GPT: variants seen among roughly 807,000 people sequenced by gnomAD.
GPT encodes alanine aminotransferase 1.
GPT carries 60 observed loss-of-function variants against 51.4 expected under a neutral mutation model. That is an observed-to-expected ratio of 1.17 (90% CI 0.95 to 1.45). GPT has a LOEUF of 1.45. Among genes scored for constraint, GPT ranks in the 40% most tolerant of loss-of-function variants. GPT has a pLI of 0.00. For synonymous variants in GPT, 397 were observed against 303.1 expected (o/e 1.31, Z -3.22); for missense variants, 853 against 704.0 (o/e 1.21, Z -2.40).
At position 144,506,378 on chromosome 8, in the gene GPT, C is replaced by G; in HGVS notation, c.1103C>G (p.Thr368Ser). 6.4e-7 allele frequency: 1 copy of G among 1,560,142 alleles called. No individual in the cohort carries two copies. The highest frequency in any genetic ancestry group is 1.3e-5 in the African/African-American group (1 of 74,074). Residue 368 changes from threonine (T) to serine (S), a missense_variant, in exon 8 of 11, where the codon ACC becomes AGC. Transcript: ENST00000394955. The surrounding 1 kb of genome is among the most constrained non-coding windows in gnomAD (Gnocchi z 7.0). ...CTGGTGGTCAGCCCGCCCGCGCCCA[C>G]CGACCCCTCCTTTGCGCAGTTCCAG... ...LDLVVSPPAP[T>S]DPSFAQFQAE...
Position 144,505,405 on chromosome 8 carries a change from G to C in GPT, c.655G>C (p.Ala219Pro), listed in dbSNP as rs1586773587. The change falls in exon 5 of 11, where the codon GCC becomes CCC. Residue 219 changes from alanine to proline, a missense_variant. Physicochemically the swap from Ala to Pro is conservative, Grantham distance 27. Transcript: ENST00000394955. ...DEERAWALDV[A>P]ELHRALGQAR... Reference sequence around the variant, plus strand: ...GGAGCGTGCCTGGGCGCTGGACGTGGCCGAGCTTCACCGTGCACTGGGCCA... The same window carrying C: ...GGAGCGTGCCTGGGCGCTGGACGTGCCCGAGCTTCACCGTGCACTGGGCCA... 2 of 1,596,390 alleles carry C rather than the reference G, an allele frequency of 1.3e-6. No homozygotes were observed. The highest frequency in any genetic ancestry group is 2.7e-5 in the African/African-American group (2 of 74,676).
upstream of GPT, chr8:144,503,910 C>T (rs371493659): frequency 1.3e-5 from 4 of 301,624 alleles, no homozygotes; most frequent in Admixed American, 1.4e-4. Context: ...CCCTCTCCCC[C>T]TCCCCCCATG....
rs374307577 is a variant in GPT at position 144,505,247 on chromosome 8, C to G, written c.497C>G (p.Thr166Arg). 6.2e-7 allele frequency: 1 copy of G among 1,606,690 alleles called. No individual in the cohort carries two copies. The highest frequency in any genetic ancestry group is 8.5e-7 in the Non-Finnish European group (1 of 1,177,212). ...LSTGASDAIVTVLKLLVAGEG... is the reference protein window; with the variant it reads ...LSTGASDAIVRVLKLLVAGEG... The stretch of plus-strand genomic sequence containing the variant: ...CTGCCTTCCCCTTCCTTTCCGCAGA[C>G]GGTGCTGAAGCTGCTGGTGGCCGGC... Residue 166 changes from threonine to arginine, a missense_variant and splice_region_variant, in exon 5 of 11, where the codon ACG (threonine) becomes AGG (arginine). Transcript: ENST00000394955.
Position 144,505,927 on chromosome 8 carries a change from G to C in GPT, c.819G>C (p.Glu273Asp). 1 of 1,609,380 alleles carries C rather than the reference G, an allele frequency of 6.2e-7. No individual in the cohort carries two copies. The highest frequency in any genetic ancestry group is 1.1e-5 in the South Asian group (1 of 90,818). Residue 273 changes from glutamate (E) to aspartate (D), a missense_variant and splice_region_variant, in exon 6 of 11, where the codon GAG becomes GAC. By Grantham distance (45) the Glu-to-Asp change is conservative. Coordinates refer to ENST00000394955, the MANE Select transcript of GPT (RefSeq NM_005309.3). ...AGCGGCTCTTTCTGCTGGCGGACGA[G>C]GTGCGCGGCGCGGGGGAGCGGGAAG... ...FEERLFLLAD[E>D]VYQDNVYAAG...
rs148163358 is a variant in GPT, at chr8:144,505,008, C to T, written c.372C>T (p.Ser124=). The change falls in exon 4 of 11, where the codon AGC becomes AGT. Residue 124 remains serine, a synonymous_variant. Transcript: ENST00000394955. The part of the protein sequence containing the change: ...ACGGHSLGAY[S]VSSGIQLIRE... ...CCTGCCCGAGTCCAGGGGCCTACAGCGTCAGCTCCGGCATCCAGCTGATCC... is the reference window on the plus strand; with the variant it reads ...CCTGCCCGAGTCCAGGGGCCTACAGTGTCAGCTCCGGCATCCAGCTGATCC... The T allele has an allele frequency of 7.1e-4, 1,138 of 1,612,948 alleles. 2 individuals carry two copies. Among genetic ancestry groups the T allele is most frequent in the Non-Finnish European group, 8.9e-4 (1,051 of 1,179,986 alleles).
Position 144,504,412 on chromosome 8 carries a change from A to G in GPT, c.108A>G (p.Ala36=), listed in dbSNP as rs748457700. ...MNPRVRRVEY[A]VRGPIVQRAL... ...CGCGTGTGCGGAGAGTGGAGTACGC[A>G]GTGCGTGGCCCCATAGTGCAGCGAG... The change falls in exon 1 of 11, where the codon GCA becomes GCG. Residue 36 remains alanine (A), a synonymous_variant. Coordinates refer to ENST00000394955, the MANE Select transcript of GPT (RefSeq NM_005309.3). 1.9e-6 allele frequency: 3 copies of G among 1,611,602 alleles called. No homozygotes were observed. Among genetic ancestry groups the G allele is most frequent in the Admixed American group, 3.3e-5 (2 of 60,002 alleles).
At chr8:144,503,105 A>T (rs531134486), upstream of GPT, 1 of 152,408 alleles carries the variant, frequency 6.6e-6, no homozygotes, top group South Asian at 2.1e-4. Flanking sequence ...CTGTTGTGGC[A>T]GCGGAACAGA....
Position 144,506,690 on chromosome 8 carries a change from G to T in GPT, c.1287+34G>T, listed in dbSNP as rs771785463. On this transcript the variant is annotated intron_variant, in intron 9 of 10. Transcript: ENST00000394955. The surrounding 1 kb of genome is among the most constrained non-coding windows in gnomAD (Gnocchi z 7.0). ...GGGGCGGGGCCTGCGGGGTGGGCAG[G>T]GGGGGCCGGGCATCCCTCTCTGACG... 7 of 1,592,836 alleles carry T rather than the reference G, an allele frequency of 4.4e-6. No homozygotes were observed. Among genetic ancestry groups the T allele is most frequent in the East Asian group, 2.3e-5 (1 of 44,210 alleles).
At position 144,505,383 on chromosome 8, in the gene GPT, G is replaced by A. The variant is rs371565005; in HGVS notation, c.633G>A (p.Glu211=). ...AVQVDYYLDE[E]RAWALDVAEL... ...AGGTGGATTACTACCTGGACGAGGA[G>A]CGTGCCTGGGCGCTGGACGTGGCCG... The change falls in exon 5 of 11, where the codon GAG becomes GAA. Residue 211 remains glutamate, a synonymous_variant. Coordinates refer to ENST00000394955, the MANE Select transcript of GPT (RefSeq NM_005309.3). The A allele has an allele frequency of 1.1e-5, 17 of 1,592,590 alleles. No homozygotes were observed. In the East Asian group the frequency reaches 3.2e-4, roughly 30 times the overall value.
At chr8:144,504,918 G>A (rs778857077) in intron 3 of GPT, 39 bp downstream of exon 3, 1 of 1,612,738 alleles carries the variant, frequency 6.2e-7, no homozygotes, top group Non-Finnish European at 8.5e-7. Context: ...GGGCCGCCCT[G>A]CCACTGGAGG....
chr8:144,506,414 G>A lies in GPT; in HGVS notation c.1131+8G>A, dbSNP rs1826810525. On this transcript the variant is annotated splice_region_variant and intron_variant, in intron 8 of 10. Transcript: ENST00000394955. This position sits in a 1 kb window ranked among gnomAD's most constrained non-coding sequence, Gnocchi z 7.0. Reference sequence around the variant, plus strand: ...TTTGCGCAGTTCCAGGCTGTGAGTTGGGGGCAGGAGGGGGTCCAGGTGACC... The same window carrying A: ...TTTGCGCAGTTCCAGGCTGTGAGTTAGGGGCAGGAGGGGGTCCAGGTGACC... The A allele has an allele frequency of 1.9e-6, 3 of 1,558,726 alleles. No homozygotes were observed. The highest frequency in any genetic ancestry group is 2.6e-6 in the Non-Finnish European group (3 of 1,153,864).
At position 144,505,088 on chromosome 8, in the gene GPT, C is replaced by T. The variant is rs754091629; in HGVS notation, c.452C>T (p.Pro151Leu). Residue 151 changes from proline to leucine, a missense_variant, in exon 4 of 11, where the codon CCC becomes CTC. By Grantham distance (98) the Pro-to-Leu change is moderately conservative. Coordinates refer to ENST00000394955, the MANE Select transcript of GPT (RefSeq NM_005309.3). Reference sequence around the variant, plus strand: ...CGTGACGGAGGCATCCCTGCGGACCCCAACAACGTCTTCCTGTCCACAGGG... The same window carrying T: ...CGTGACGGAGGCATCCCTGCGGACCTCAACAACGTCTTCCTGTCCACAGGG... ...ERRDGGIPAD[P>L]NNVFLSTGAS... 1 of 1,613,172 alleles carries T rather than the reference C, an allele frequency of 6.2e-7. No individual in the cohort carries two copies. Among genetic ancestry groups the T allele is most frequent in the East Asian group, 2.2e-5 (1 of 44,892 alleles).
upstream of GPT, among the ~76,000 whole-genome samples, chr8:144,503,283 C>T (rs906637473): frequency 1.3e-5 from 2 of 152,230 alleles, no homozygotes; most frequent in South Asian, 2.1e-4. Flanking sequence ...TTTCGGTGCC[C>T]GACGCTGGGG....
Position 144,504,344 on chromosome 8 carries a change from C to A in GPT, c.40C>A (p.His14Asn), listed in dbSNP as rs1063739. Reference protein sequence around the residue: ...STGDRSQAVRHGLRAKVLTLD... With the variant: ...STGDRSQAVRNGLRAKVLTLD... ...AGGTGACCGGAGCCAGGCGGTGAGGCATGGACTGAGGGCGAAGGTGCTGAC... is the reference window on the plus strand; with the variant it reads ...AGGTGACCGGAGCCAGGCGGTGAGGAATGGACTGAGGGCGAAGGTGCTGAC... The change falls in exon 1 of 11, where the codon CAT becomes AAT. Residue 14 changes from histidine to asparagine, a missense_variant. By Grantham distance (68) the His-to-Asn change is moderately conservative (BLOSUM62 1). Transcript: ENST00000394955. 0.47 allele frequency: 750,555 copies of A among 1,610,178 alleles called. 178,460 individuals are homozygous for A. Among genetic ancestry groups the A allele is most frequent in the South Asian group, 0.56 (50,737 of 91,072 alleles).
Position 144,506,761 on chromosome 8 carries a change from TGCCTGC to T in GPT, c.1323_1328del (p.Arg442_Leu443del). ...GGGCCTGGCCCCCGATATGTTCTTC[TGCCTGC>T]GCCTCCTGGAGGAGACCGGCATCTG... On this transcript the variant is annotated inframe_deletion, in exon 10 of 11. Transcript: ENST00000394955. The surrounding 1 kb of genome is among the most constrained non-coding windows in gnomAD (Gnocchi z 7.0). The T allele has an allele frequency of 6.2e-7, 1 of 1,612,308 alleles. No individual in the cohort carries two copies. The highest frequency in any genetic ancestry group is 1.1e-5 in the South Asian group (1 of 91,080).
rs150748518 is a variant in GPT, at chr8:144,505,985, G to T, written c.820-10G>T. ...ACAGTCCGCCCCCGTGACGCCTTGC[G>T]CCCTTCCAGGTGTACCAGGACAACG... On this transcript the variant is annotated splice_polypyrimidine_tract_variant and intron_variant, in intron 6 of 10. Coordinates refer to ENST00000394955, the MANE Select transcript of GPT (RefSeq NM_005309.3). 137 of 1,612,326 alleles carry T rather than the reference G, an allele frequency of 8.5e-5. No homozygotes were observed. The African/African-American group carries it at 1.5e-3, about 18-fold the overall frequency.
Position 144,504,269 on chromosome 8 carries a change from T to G in GPT, c.-36T>G. 6 of 1,600,202 alleles carry G rather than the reference T, an allele frequency of 3.7e-6. No individual in the cohort carries two copies. Among genetic ancestry groups the G allele is most frequent in the Non-Finnish European group, 5.1e-6 (6 of 1,178,540 alleles). On this transcript the variant is annotated 5_prime_UTR_variant, in exon 1 of 11. Coordinates refer to ENST00000394955, the MANE Select transcript of GPT (RefSeq NM_005309.3). ...CATTCCCACTTCTGGTCCTGCCACC[T>G]CCTGAGCTGCCTTCCCGCCTGGTCT... is the stretch of plus-strand genomic sequence containing the variant.
At position 144,506,769 on chromosome 8, in the gene GPT, C is replaced by T; in HGVS notation, c.1326C>T (p.Arg442=). The T allele has an allele frequency of 6.2e-7, 1 of 1,612,470 alleles. No individual in the cohort carries two copies. The highest frequency in any genetic ancestry group is 8.5e-7 in the Non-Finnish European group (1 of 1,179,966). The change falls in exon 10 of 11, where the codon CGC becomes CGT. Residue 442 remains arginine (R), a synonymous_variant. Transcript: ENST00000394955. The surrounding 1 kb of genome is among the most constrained non-coding windows in gnomAD (Gnocchi z 7.0). ...GLAPDMFFCL[R]LLEETGICVV... ...CCCCCGATATGTTCTTCTGCCTGCGCCTCCTGGAGGAGACCGGCATCTGCG... is the reference window on the plus strand; with the variant it reads ...CCCCCGATATGTTCTTCTGCCTGCGTCTCCTGGAGGAGACCGGCATCTGCG...
In GPT at chr8:144,504,201, C is replaced by A; in HGVS notation, c.-104C>A. ...CCTGGAGTTCCCTCTGCTACGGCTG[C>A]CCCCTCCCAGCCCTGGCCCACTAAG... On this transcript the variant is annotated 5_prime_UTR_variant, in exon 1 of 11. Transcript: ENST00000394955. 2.4e-6 allele frequency: 3 copies of A among 1,249,752 alleles called. No individual in the cohort carries two copies. The highest frequency in any genetic ancestry group is 2.0e-5 in the Admixed American group (1 of 51,098). 77.4% of individuals were successfully genotyped at this position (1,249,752 alleles called of 1,614,324 possible). A position where few individuals can be genotyped will look rare whatever the true frequency, so the allele number is the denominator to read the frequency against.
Sources: gnomAD v4.1 joint callset for allele counts (sites outside exome capture counted in the v4.1 genomes callset) on GRCh38, gnomAD v4.1.1 for gene constraint, Gnocchi (gnomAD v3.1) non-coding constraint, MANE v1.5 for transcripts, NCBI Gene and HGNC (gene_info 2026-07-23, HGNC 2026-07-21) for gene names.